Variants in NLGN1 observed in about 807,000 individuals in gnomAD.
NLGN1 encodes neuroligin-1.
Under a neutral mutation model 65.5 loss-of-function variants are expected in NLGN1, and 12 were observed. The observed-to-expected ratio is 0.18, with a 90% CI of 0.12 to 0.30. The LOEUF (loss-of-function observed/expected upper bound fraction) is 0.30, where lower values mean the gene tolerates loss of function less well. Among genes scored for constraint, NLGN1 ranks in the 10% least tolerant of loss-of-function variants. NLGN1 has a pLI of 1.00. For synonymous variants in NLGN1, 350 were observed against 359.5 expected (o/e 0.97, Z 0.30); for missense variants, 750 against 1,007.1 (o/e 0.74, Z 3.46).
intron 4 of NLGN1, among the ~76,000 whole-genome samples, chr3:174,265,288 G>A (rs556460633): frequency 1.0e-3 from 153 of 151,770 alleles, no homozygotes; most frequent in African/African-American, 3.4e-3. Flanking sequence ...CCTCGCTGCC[G>A]CCTTGCAGTT....
rs564279897 is a variant in NLGN1 at position 174,258,073 on chromosome 3, G to A, written c.647-17242G>A. ...CAAAAATTTTAACTAGACAAATAAA[G>A]GAAAGCCAAAGTCCCCTAACTACTA... On this transcript the variant is annotated intron_variant, in intron 4 of 6. Transcript: ENST00000457714. Among the ~76,000 whole-genome samples the A allele has an allele frequency of 3.3e-5, 5 of 151,888 alleles. No individual in the cohort carries two copies. In the East Asian group the frequency reaches 9.7e-4, roughly 29 times the overall value.
At chr3:174,248,232 A>C (rs1476729343) in intron 4 of NLGN1, among the ~76,000 whole-genome samples, 1 of 152,156 alleles carries the variant, frequency 6.6e-6, no homozygotes, top group African/African-American at 2.4e-5. Context: ...AAATTTGTAC[A>C]TATGGCATAC....
intron 4 of NLGN1, among the ~76,000 whole-genome samples, chr3:173,857,960 C>T (rs1354002994): frequency 7.7e-6 from 1 of 129,988 alleles, no homozygotes; most frequent in African/African-American, 3.0e-5. Context: ...CTCCAGAATC[C>T]CTTTATTCCC....
chr3:173,780,533 C>G (rs1295616212), intron 3 of NLGN1, among the ~76,000 whole-genome samples: 1 of 152,150 alleles, frequency 6.6e-6, no homozygotes, highest in Non-Finnish European at 1.5e-5. Context: ...GTACTAGCAA[C>G]CAAGACAATA....
intron 4 of NLGN1, among the ~76,000 whole-genome samples, chr3:174,122,936 A>T (rs924299634): frequency 1.3e-5 from 2 of 152,044 alleles, no homozygotes; most frequent in African/African-American, 4.8e-5. Flanking sequence ...ATTAATAAAT[A>T]AAAATTTCCT....
rs139066188 is a variant in NLGN1, at chr3:173,579,612, C to T, written c.-320-24667C>T. Among the ~76,000 whole-genome samples, 241 of 152,320 alleles carry T rather than the reference C, an allele frequency of 1.6e-3. No individual in the cohort carries two copies. In the East Asian group the frequency reaches 0.03, roughly 19 times the overall value. On this transcript the variant is annotated intron_variant, in intron 2 of 6. Coordinates refer to ENST00000457714, the Ensembl canonical transcript of NLGN1. ...TCCAGGCAGGTGTGTTCTCCCAATA[C>T]GTATCTGAAATATAGTCAGTACCAG...
intron 3 of NLGN1, among the ~76,000 whole-genome samples, chr3:173,672,804 A>G (rs1006765766): frequency 6.6e-6 from 1 of 152,172 alleles, no homozygotes. Flanking sequence ...TCTTTCAACT[A>G]TATTTTTTTC....
At chr3:173,743,478 G>A (rs1460550035) in intron 3 of NLGN1, among the ~76,000 whole-genome samples, 6 of 152,040 alleles carry the variant, frequency 3.9e-5, no homozygotes, top group Non-Finnish European at 8.8e-5. Flanking sequence ...GTCACTGTTA[G>A]TGCTTTCTAC....
At chr3:173,431,705 G>A (rs1250689310) in intron 1 of NLGN1, among the ~76,000 whole-genome samples, 2 of 152,086 alleles carry the variant, frequency 1.3e-5, no homozygotes, top group African/African-American at 4.8e-5. Flanking sequence ...TATGAAGAGT[G>A]AATCCACATT....
At chr3:173,857,677 G>A (rs192948244) in intron 4 of NLGN1, among the ~76,000 whole-genome samples, 2 of 152,116 alleles carry the variant, frequency 1.3e-5, no homozygotes, top group Admixed American at 1.3e-4. Context: ...CACTTATTGG[G>A]CTACATTGAG....
At chr3:173,534,257 T>G (rs1367047387) in intron 2 of NLGN1, among the ~76,000 whole-genome samples, 1 of 152,188 alleles carries the variant, frequency 6.6e-6, no homozygotes, top group Non-Finnish European at 1.5e-5. Context: ...AGATAGATTC[T>G]TTTGCAAATA....
chr3:173,444,032 A>G (rs1719710305), intron 2 of NLGN1, among the ~76,000 whole-genome samples: 1 of 152,174 alleles, frequency 6.6e-6, no homozygotes, highest in African/African-American at 2.4e-5. Flanking sequence ...ATCTATGTAT[A>G]ATTTTAACTT....
intron 4 of NLGN1, among the ~76,000 whole-genome samples, chr3:174,091,854 A>T (rs768700131): frequency 6.6e-6 from 1 of 152,174 alleles, no homozygotes; most frequent in Non-Finnish European, 1.5e-5. Flanking sequence ...GGCTTTGATT[A>T]TTTTACTACT....
chr3:173,544,939 A>C (rs1739517706), intron 2 of NLGN1, among the ~76,000 whole-genome samples: 1 of 152,182 alleles, frequency 6.6e-6, no homozygotes, highest in Non-Finnish European at 1.5e-5. Context: ...GTAAATAACC[A>C]AAAATTTGAA....
At chr3:174,266,366 C>G (rs115781301) in intron 4 of NLGN1, among the ~76,000 whole-genome samples, 9 of 152,086 alleles carry the variant, frequency 5.9e-5, no homozygotes, top group African/African-American at 2.2e-4. Flanking sequence ...GCTCCATCCA[C>G]GTTGCTGCAA....
At chr3:173,626,140 C>G (rs1023875490) in intron 3 of NLGN1, among the ~76,000 whole-genome samples, 1 of 151,956 alleles carries the variant, frequency 6.6e-6, no homozygotes, top group Non-Finnish European at 1.5e-5. Flanking sequence ...CTCCATGTAG[C>G]TATCAAGCGC....
chr3:174,181,721 G>T (rs922840355), intron 4 of NLGN1, among the ~76,000 whole-genome samples: 1 of 151,510 alleles, frequency 6.6e-6, no homozygotes, highest in South Asian at 2.1e-4. Flanking sequence ...TTGAGCCCAG[G>T]ACTTCAAGAC....
chr3:174,239,557 T>G (rs1742411285), intron 4 of NLGN1, among the ~76,000 whole-genome samples: 2 of 152,332 alleles, frequency 1.3e-5, no homozygotes, highest in South Asian at 4.1e-4. Context: ...TCTTTTGTTG[T>G]TGTTACTCTT....
intron 4 of NLGN1, among the ~76,000 whole-genome samples, chr3:174,024,345 C>A (rs1728407543): frequency 6.6e-6 from 1 of 152,044 alleles, no homozygotes; most frequent in South Asian, 2.1e-4. Flanking sequence ...TAAGCGTTAG[C>A]ATGCCAAATG....
Sources: allele counts gnomAD v4.1 joint callset (sites outside exome capture counted in the v4.1 genomes callset), GRCh38; gene constraint gnomAD v4.1.1; transcripts MANE v1.5; gene names NCBI Gene and HGNC (gene_info 2026-07-23, HGNC 2026-07-21).